Variants in ROBO3 observed in about 807,000 individuals in gnomAD.
ROBO3 encodes roundabout guidance receptor 3.
Under a neutral mutation model 160.5 loss-of-function variants are expected in ROBO3, and 97 were observed. That is an observed-to-expected ratio of 0.60 (90% CI 0.51 to 0.72). ROBO3 has a LOEUF of 0.72. ROBO3 is among the 30% of genes least tolerant of loss of function. The pLI, the probability that ROBO3 is intolerant of heterozygous loss-of-function variation, is 0.00. For synonymous variants in ROBO3, 780 were observed against 746.2 expected (o/e 1.05, Z -0.74); for missense variants, 1,858 against 1,846.5 (o/e 1.01, Z -0.11).
intron 24 of ROBO3, 60 bp downstream of exon 24, chr11:124,879,401 C>T: frequency 1.2e-6 from 2 of 1,607,974 alleles, no homozygotes; most frequent in Middle Eastern, 1.7e-4. Flanking sequence ...TTCCCCTTCA[C>T]CCTTAGGCCT....
rs561185767 is a variant in ROBO3 at position 124,872,032 on chromosome 11, CACA to C, written c.1159-346_1159-344del. On this transcript the variant is annotated intron_variant, in intron 7 of 27. Coordinates refer to ENST00000397801, the MANE Select transcript of ROBO3 (RefSeq NM_022370.4). This position sits in a 1 kb window ranked among gnomAD's most constrained non-coding sequence, Gnocchi z 4.3. Reference sequence around the variant, plus strand: ...GCAGGAAGAAGAGGAATGTGTTTACCACAACGTGTTAGAAGACTTTCATATGAT... The same window carrying C: ...GCAGGAAGAAGAGGAATGTGTTTACCACGTGTTAGAAGACTTTCATATGAT... Among the ~76,000 whole-genome samples, 22 of 152,222 alleles carry C rather than the reference CACA, an allele frequency of 1.4e-4. No homozygotes were observed. In the East Asian group the frequency reaches 4.1e-3, roughly 28 times the overall value.
rs1946530462 is a variant in ROBO3 at position 124,879,967 on chromosome 11, G to A, written c.3958+19G>A. 6.5e-7 allele frequency: 1 copy of A among 1,542,444 alleles called. No individual in the cohort carries two copies. Among genetic ancestry groups the A allele is most frequent in the African/African-American group, 1.4e-5 (1 of 73,186 alleles). ...CCAGATGGTAAGCAGGGCCAGGGCA[G>A]GCAGGAGGGCTGCTGCCACAGGAGA... On this transcript the variant is annotated intron_variant, in intron 26 of 27. Transcript: ENST00000397801.
Position 124,872,368 on chromosome 11 carries a change from G to A in ROBO3, c.1159-13G>A. ...TGCTCATTCCCTACCCTGGTTCCTT[G>A]CTCTGTCCCCAGGTCCTGCTTTTCC... On this transcript the variant is annotated splice_polypyrimidine_tract_variant and intron_variant, in intron 7 of 27. Transcript: ENST00000397801. This position sits in a 1 kb window ranked among gnomAD's most constrained non-coding sequence, Gnocchi z 4.3. 1 of 1,613,760 alleles carries A rather than the reference G, an allele frequency of 6.2e-7. No homozygotes were observed. The highest frequency in any genetic ancestry group is 8.5e-7 in the Non-Finnish European group (1 of 1,179,684).
Position 124,880,545 on chromosome 11 carries a change from CCGGAGCCGGAGTCGGAGT to C in ROBO3, c.4088_4105del (p.Arg1363_Ser1368del). The C allele has an allele frequency of 6.5e-7, 1 of 1,535,424 alleles. No individual in the cohort carries two copies. Among genetic ancestry groups the C allele is most frequent in the South Asian group, 1.2e-5 (1 of 84,024 alleles). On this transcript the variant is annotated inframe_deletion, in exon 27 of 28. Transcript: ENST00000397801. Reference sequence around the variant, plus strand: ...GCTCTAGGGGCTCCCGGGGCCCTGGCCGGAGCCGGAGTCGGAGTCAGAGCCGGAGCCAGAGCCAAAGGC... The same window carrying C: ...GCTCTAGGGGCTCCCGGGGCCCTGGCCAGAGCCGGAGCCAGAGCCAAAGGC...
Position 124,872,419 on chromosome 11 carries a change from G to T in ROBO3, c.1197G>T (p.Gly399=), listed in dbSNP as rs776904829. ...CCAGTCAGTCACTTCAGCCGACGGGGCGCTTCTCAGTGTCTCCAAGAGGCC... is the reference window on the plus strand; with the variant it reads ...CCAGTCAGTCACTTCAGCCGACGGGTCGCTTCTCAGTGTCTCCAAGAGGCC... ...LFPSQSLQPT[G]RFSVSPRGQL... Residue 399 remains glycine (G), a synonymous_variant, in exon 8 of 28, where the codon GGG becomes GGT. Coordinates refer to ENST00000397801, the MANE Select transcript of ROBO3 (RefSeq NM_022370.4). The surrounding 1 kb of genome is among the most constrained non-coding windows in gnomAD (Gnocchi z 4.3). 1 of 1,613,818 alleles carries T rather than the reference G, an allele frequency of 6.2e-7. No homozygotes were observed.
Position 124,881,259 on chromosome 11 carries a change from G to T in ROBO3, c.*9G>T. On this transcript the variant is annotated 3_prime_UTR_variant, in exon 28 of 28. Coordinates refer to ENST00000397801, the MANE Select transcript of ROBO3 (RefSeq NM_022370.4). ...CCTAGGAACCAAGATGACCCTTGTT[G>T]GGGCATTGAGAATATCATGAGTGCC... 6.2e-7 allele frequency: 1 copy of T among 1,602,720 alleles called. No individual in the cohort carries two copies. Among genetic ancestry groups the T allele is most frequent in the African/African-American group, 1.3e-5 (1 of 74,804 alleles).
In ROBO3 at chr11:124,869,437, CCG is replaced by C; in HGVS notation, c.488-11_488-10del. The C allele has an allele frequency of 1.4e-6, 2 of 1,436,000 alleles. No individual in the cohort carries two copies. Among genetic ancestry groups the C allele is most frequent in the East Asian group, 2.4e-5 (1 of 41,626 alleles). The allele number at this position is 1,436,000 out of a possible 1,614,324, so 89.0% of individuals were successfully genotyped here. On this transcript the variant is annotated splice_polypyrimidine_tract_variant and intron_variant, in intron 2 of 27. Transcript: ENST00000397801. The surrounding 1 kb of genome is among the most constrained non-coding windows in gnomAD (Gnocchi z 4.2). ...TACACCCTGCTTATTTCGCCCCCCACCGCCCCGCCCAGTCCTCCGTGATGATT... is the reference window on the plus strand; with the variant it reads ...TACACCCTGCTTATTTCGCCCCCCACCCCCGCCCAGTCCTCCGTGATGATT...
chr11:124,869,428 C>CGGGGGGGGGGG lies in ROBO3; in HGVS notation c.488-21_488-20insGGGGGGGGGGG. ...ATGTCACTCTACACCCTGCTTATTT[C>CGGGGGGGGGGG]GCCCCCCACCGCCCCGCCCAGTCCT... On this transcript the variant is annotated intron_variant, in intron 2 of 27. Transcript: ENST00000397801. This position sits in a 1 kb window ranked among gnomAD's most constrained non-coding sequence, Gnocchi z 4.2. 1 of 1,383,814 alleles carries CGGGGGGGGGGG rather than the reference C, an allele frequency of 7.2e-7. No homozygotes were observed. The highest frequency in any genetic ancestry group is 9.9e-7 in the Non-Finnish European group (1 of 1,012,432). 85.7% of individuals were successfully genotyped at this position (1,383,814 alleles called of 1,614,324 possible). A position where few individuals can be genotyped will look rare whatever the true frequency, so the allele number is the denominator to read the frequency against.
rs756896763 is a variant in ROBO3 at position 124,873,828 on chromosome 11, G to A, written c.1750G>A (p.Ala584Thr). ...CTGGAAGCCCAACCCACAAACTGGGGCTGCAGTCACGTCTTATGTGATAGA... is the reference window on the plus strand; with the variant it reads ...CTGGAAGCCCAACCCACAAACTGGGACTGCAGTCACGTCTTATGTGATAGA... ...LTWKPNPQTG[A>T]AVTSYVIEAF... The change falls in exon 11 of 28, where the codon GCT becomes ACT. Residue 584 changes from alanine (A) to threonine (T), a missense_variant. Ala to Thr is a moderately conservative substitution (Grantham distance 58, BLOSUM62 0). Transcript: ENST00000397801. The surrounding 1 kb of genome is among the most constrained non-coding windows in gnomAD (Gnocchi z 4.5). 6.2e-7 allele frequency: 1 copy of A among 1,613,662 alleles called. No individual in the cohort carries two copies. Among genetic ancestry groups the A allele is most frequent in the East Asian group, 2.2e-5 (1 of 44,878 alleles).
In ROBO3 at chr11:124,881,092, A is replaced by T. The variant is rs529904078; in HGVS notation, c.4150-147A>T. 1.3e-4 allele frequency: 97 copies of T among 718,750 alleles called. No homozygotes were observed. In the African/African-American group the frequency reaches 1.6e-3, roughly 12 times the overall value. 44.5% of individuals were successfully genotyped at this position (718,750 alleles called of 1,614,324 possible). A position where few individuals can be genotyped will look rare whatever the true frequency, so the allele number is the denominator to read the frequency against. ...GACAAACAAAACAAAAGAAATGACA[A>T]GGGGTGAGGACAAGATGACACATAA... On this transcript the variant is annotated intron_variant, in intron 27 of 27. Transcript: ENST00000397801.
Position 124,872,537 on chromosome 11 carries a change from C to T in ROBO3, c.1315C>T (p.Leu439=), listed in dbSNP as rs2135328996. ...VAGSILAKAL[L]EIKGASLDGL... ...TGGCAGCATCCTGGCCAAGGCCCTG[C>T]TGGAGATAAAAGGAGGTACGTGCCC... Residue 439 remains leucine, a synonymous_variant, in exon 8 of 28, where the codon CTG becomes TTG. Transcript: ENST00000397801. This position sits in a 1 kb window ranked among gnomAD's most constrained non-coding sequence, Gnocchi z 4.3. 1 of 1,613,426 alleles carries T rather than the reference C, an allele frequency of 6.2e-7. No individual in the cohort carries two copies. The highest frequency in any genetic ancestry group is 2.2e-5 in the East Asian group (1 of 44,878).
At chr11:124,870,575 C>A (rs764074626) in intron 5 of ROBO3, 26 bp from the exon 6 acceptor site, 4 of 1,613,490 alleles carry the variant, frequency 2.5e-6, no homozygotes, top group Non-Finnish European at 3.4e-6. Context: ...TGTGGCCAAC[C>A]CAGCCTGGGG....
At position 124,872,416 on chromosome 11, in the gene ROBO3, G is replaced by A. The variant is rs369032140; in HGVS notation, c.1194G>A (p.Thr398=). 127 of 1,613,916 alleles carry A rather than the reference G, an allele frequency of 7.9e-5. 1 individual carries two copies. In the African/African-American group the frequency reaches 1.2e-3, roughly 15 times the overall value. Residue 398 remains threonine, a synonymous_variant, in exon 8 of 28, where the codon ACG becomes ACA. Transcript: ENST00000397801. The surrounding 1 kb of genome is among the most constrained non-coding windows in gnomAD (Gnocchi z 4.3). The part of the protein sequence containing the change: ...LLFPSQSLQP[T]GRFSVSPRGQ... ...TCCCCAGTCAGTCACTTCAGCCGAC[G>A]GGGCGCTTCTCAGTGTCTCCAAGAG...
intron 17 of ROBO3, 25 bp from the exon 18 acceptor site, chr11:124,877,136 T>A: frequency 6.2e-7 from 1 of 1,613,504 alleles, no homozygotes; most frequent in South Asian, 1.1e-5. Context: ...ACCTCTTCTT[T>A]CTCCCACGGG....
In ROBO3 at chr11:124,877,221, C is replaced by G. The variant is rs202161612; in HGVS notation, c.2803+37C>G. The G allele has an allele frequency of 1.4e-3, 2,237 of 1,613,954 alleles. 3 individuals are homozygous for G. The highest frequency in any genetic ancestry group is 1.7e-3 in the Non-Finnish European group (2,049 of 1,179,840). ...CTGCCCCAGTGGGGTTCAGACCCCC[C>G]GGGACGGGCCCTTCTCTCACTCATT... On this transcript the variant is annotated intron_variant, in intron 18 of 27. Coordinates refer to ENST00000397801, the MANE Select transcript of ROBO3 (RefSeq NM_022370.4).
chr11:124,876,603 G>A lies in ROBO3; in HGVS notation c.2779+143G>A. The A allele has an allele frequency of 4.6e-6, 3 of 656,244 alleles. No homozygotes were observed. The highest frequency in any genetic ancestry group is 6.9e-6 in the Non-Finnish European group (3 of 437,716). The allele number at this position is 656,244 out of a possible 1,614,324, so 40.7% of individuals were successfully genotyped here. ...GGAGTTCAGCCTCTTGGGTAGGGGC[G>A]GGATACGTGGGGCGACTCGAGGAGC... On this transcript the variant is annotated intron_variant, in intron 17 of 27. Coordinates refer to ENST00000397801, the MANE Select transcript of ROBO3 (RefSeq NM_022370.4). This position sits in a 1 kb window ranked among gnomAD's most constrained non-coding sequence, Gnocchi z 5.3.
chr11:124,874,071 C>T lies in ROBO3; in HGVS notation c.1786C>T (p.Pro596Ser). ...VTSYVIEAFS[P>S]AAGNTWRTVA... is the part of the protein sequence containing the mutation. ...CCTGTCATCTCCTTCTTGTTGTAGC[C>T]CAGCAGCTGGCAACACATGGCGTAC... Residue 596 changes from proline to serine, a missense_variant and splice_region_variant, in exon 12 of 28, where the codon CCA becomes TCA. Coordinates refer to ENST00000397801, the MANE Select transcript of ROBO3 (RefSeq NM_022370.4). 6.2e-7 allele frequency: 1 copy of T among 1,613,778 alleles called. No individual in the cohort carries two copies. Among genetic ancestry groups the T allele is most frequent in the South Asian group, 1.1e-5 (1 of 91,062 alleles).
Position 124,876,137 on chromosome 11 carries a change from C to G in ROBO3, c.2593+12C>G, listed in dbSNP as rs1393809260. On this transcript the variant is annotated intron_variant, in intron 16 of 27. Transcript: ENST00000397801. This position sits in a 1 kb window ranked among gnomAD's most constrained non-coding sequence, Gnocchi z 5.3. ...GCTGGTGCAGCTGCGTGAGTCCACC[C>G]GAGGGCAGTGCTGAGGATCTTGACG... The G allele has an allele frequency of 6.3e-7, 1 of 1,592,538 alleles. No homozygotes were observed. Among genetic ancestry groups the G allele is most frequent in the Non-Finnish European group, 8.5e-7 (1 of 1,173,278 alleles).
chr11:124,865,848 G>A lies in ROBO3; in HGVS notation c.160+111G>A. The stretch of plus-strand genomic sequence containing the variant: ...GTCCCGAGGTCCGGGATTGAGTGGC[G>A]CCTCCCAGCGCCTCCCTGGGTCGTG... On this transcript the variant is annotated intron_variant, in intron 1 of 27. Coordinates refer to ENST00000397801, the MANE Select transcript of ROBO3 (RefSeq NM_022370.4). The surrounding 1 kb of genome is among the most constrained non-coding windows in gnomAD (Gnocchi z 5.5). 2.6e-6 allele frequency: 3 copies of A among 1,173,776 alleles called. No homozygotes were observed. The highest frequency in any genetic ancestry group is 3.5e-6 in the Non-Finnish European group (3 of 852,654). 72.7% of individuals were successfully genotyped at this position (1,173,776 alleles called of 1,614,324 possible).
Sources: gnomAD v4.1 joint callset for allele counts (sites outside exome capture counted in the v4.1 genomes callset) on GRCh38, gnomAD v4.1.1 for gene constraint, Gnocchi (gnomAD v3.1) non-coding constraint, MANE v1.5 for transcripts, NCBI Gene and HGNC (gene_info 2026-07-23, HGNC 2026-07-21) for gene names.